Variants in SLC22A15 observed in about 807,000 individuals in gnomAD.
SLC22A15 encodes solute carrier family 22 member 15.
SLC22A15 carries 45 observed loss-of-function variants against 62.7 expected under a neutral mutation model. That is an observed-to-expected ratio of 0.72 (90% CI 0.56 to 0.92). SLC22A15 has a LOEUF of 0.92. SLC22A15 is among the 40% of genes least tolerant of loss of function. SLC22A15 has a pLI of 0.00. For synonymous variants in SLC22A15, 264 were observed against 267.0 expected, an observed-to-expected ratio of 0.99 and a Z score of 0.11; for missense variants, 622 against 665.6, an observed-to-expected ratio of 0.93 and a Z score of 0.72.
chr1:116,044,357 T>G (rs976460961), intron 8 of SLC22A15, among the ~76,000 whole-genome samples: 1 of 152,218 alleles, frequency 6.6e-6, no homozygotes, highest in East Asian at 1.9e-4. Flanking sequence ...CCTAGCACTT[T>G]GGGAGGCCGA....
At chr1:115,986,891 A>T (rs1272594784) in intron 1 of SLC22A15, among the ~76,000 whole-genome samples, 1 of 152,194 alleles carries the variant, frequency 6.6e-6, no homozygotes, top group Non-Finnish European at 1.5e-5. Flanking sequence ...AACGAAACAG[A>T]GAGGTTTGGA....
Position 116,069,931 on chromosome 1 carries a change from C to T in SLC22A15, c.*2823C>T, listed in dbSNP as rs1478423503. 2 of 152,164 alleles carry T rather than the reference C, an allele frequency of 1.3e-5. No individual in the cohort carries two copies. Among genetic ancestry groups the T allele is most frequent in the African/African-American group, 2.4e-5 (1 of 41,450 alleles). 9.4% of individuals were successfully genotyped at this position (152,164 alleles called of 1,614,324 possible). On this transcript the variant is annotated 3_prime_UTR_variant, in exon 12 of 12. Coordinates refer to ENST00000369503, the MANE Select transcript of SLC22A15 (RefSeq NM_018420.3). ...AACCAGCTTCACATTAGGACTTCTC[C>T]ATACAAATGCTTTATCATTGGTTCT...
Position 115,987,762 on chromosome 1 carries a change from T to C in SLC22A15, c.88-4269T>C, listed in dbSNP as rs532798145. 2.0e-5 allele frequency among the ~76,000 whole-genome samples: 3 copies of C among 152,280 alleles called. No homozygotes were observed. In the South Asian group the frequency reaches 6.2e-4, roughly 32 times the overall value. Reference sequence around the variant, plus strand: ...TGATTCCTCCCCTCCCTTTATTTTCTCCGAAAAAAGCTCTGGCCCCAAAGT... The same window carrying C: ...TGATTCCTCCCCTCCCTTTATTTTCCCCGAAAAAAGCTCTGGCCCCAAAGT... On this transcript the variant is annotated intron_variant, in intron 1 of 11. Coordinates refer to ENST00000369503, the MANE Select transcript of SLC22A15 (RefSeq NM_018420.3).
chr1:116,037,174 G>A, intron 7 of SLC22A15, 129 bp from the exon 8 acceptor site: 1 of 725,380 alleles, frequency 1.4e-6, no homozygotes, highest in Non-Finnish European at 2.3e-6. Context: ...AGTCACATTT[G>A]CCACTTAGCC....
intron 1 of SLC22A15, among the ~76,000 whole-genome samples, chr1:115,989,372 G>T (rs1655036912): frequency 6.6e-6 from 1 of 152,160 alleles, no homozygotes; most frequent in Non-Finnish European, 1.5e-5. Flanking sequence ...TCTCCAAACT[G>T]GCTTTATTGA....
intron 2 of SLC22A15, among the ~76,000 whole-genome samples, chr1:116,003,615 A>G (rs1031464148): frequency 3.9e-5 from 6 of 152,168 alleles, no homozygotes; most frequent in African/African-American, 1.4e-4. Context: ...CTGAGTTCCA[A>G]TGCAAAGTTC....
chr1:116,032,954 C>G (rs1167338433), intron 6 of SLC22A15, among the ~76,000 whole-genome samples: 1 of 152,142 alleles, frequency 6.6e-6, no homozygotes, highest in East Asian at 1.9e-4. Context: ...GGGTTCTGGC[C>G]TTCAATGGAT....
rs17852420 is a variant in SLC22A15, at chr1:116,020,854, A to G, written c.567A>G (p.Glu189=). ...MSLVAFVLLN[E]CVGTAYWALA... The stretch of plus-strand genomic sequence containing the variant: ...TGGTGGCCTTTGTCTTGCTTAATGA[A>G]TGTGTGGGCACCGCCTACTGGGCAC... Residue 189 remains glutamate, a synonymous_variant, in exon 4 of 12, where the codon GAA becomes GAG. Coordinates refer to ENST00000369503, the MANE Select transcript of SLC22A15 (RefSeq NM_018420.3). The G allele has an allele frequency of 1.2e-6, 2 of 1,612,974 alleles. No homozygotes were observed. Among genetic ancestry groups the G allele is most frequent in the South Asian group, 2.2e-5 (2 of 90,962 alleles).
chr1:116,014,817 A>T (rs558336358), intron 2 of SLC22A15, among the ~76,000 whole-genome samples: 1 of 152,358 alleles, frequency 6.6e-6, no homozygotes, highest in South Asian at 2.1e-4. Flanking sequence ...AGTTTAACTT[A>T]AAATGACCTG....
intron 3 of SLC22A15, 114 bp from the exon 4 acceptor site, chr1:116,020,607 C>A: frequency 3.3e-6 from 3 of 912,840 alleles, no homozygotes; most frequent in South Asian, 2.5e-5. Context: ...ACAAAAACAG[C>A]TCAGAAAATT....
At chr1:116,015,882 A>G (rs943892336) in intron 2 of SLC22A15, among the ~76,000 whole-genome samples, 4 of 152,240 alleles carry the variant, frequency 2.6e-5, no homozygotes, top group African/African-American at 9.6e-5. Flanking sequence ...TGTCTTTTCT[A>G]GGACAACCTG....
Position 116,037,322 on chromosome 1 carries a change from T to C in SLC22A15, c.1105T>C (p.Leu369=). 1 of 1,613,384 alleles carries C rather than the reference T, an allele frequency of 6.2e-7. No homozygotes were observed. ...NQKWFGRKRT[L]SAFLCLGGLA... is the part of the protein sequence containing the mutation. Reference sequence around the variant, plus strand: ...GTTTAGGTTTGGTCGGAAGCGAACATTATCAGCATTTCTGTGCCTAGGAGG... The same window carrying C: ...GTTTAGGTTTGGTCGGAAGCGAACACTATCAGCATTTCTGTGCCTAGGAGG... The change falls in exon 8 of 12, where the codon TTA becomes CTA. Residue 369 remains leucine, a synonymous_variant. Coordinates refer to ENST00000369503, the MANE Select transcript of SLC22A15 (RefSeq NM_018420.3).
At chr1:116,013,619 A>G (rs935569513) in intron 2 of SLC22A15, among the ~76,000 whole-genome samples, 3 of 152,214 alleles carry the variant, frequency 2.0e-5, no homozygotes, top group African/African-American at 7.2e-5. Context: ...TGGGGATTAC[A>G]TAAGCATGTG....
chr1:116,006,293 G>T (rs1655976871), intron 2 of SLC22A15, among the ~76,000 whole-genome samples: 1 of 152,086 alleles, frequency 6.6e-6, no homozygotes, highest in African/African-American at 2.4e-5. Context: ...AGGCACCCTG[G>T]TCCCCACTGT....
chr1:115,987,407 G>A (rs1323008959), intron 1 of SLC22A15, among the ~76,000 whole-genome samples: 1 of 152,016 alleles, frequency 6.6e-6, no homozygotes. Context: ...CTTGTGATCT[G>A]CCTGCCTCGG....
Position 116,067,259 on chromosome 1 carries a change from C to T in SLC22A15, c.*151C>T, listed in dbSNP as rs1658521332. On this transcript the variant is annotated 3_prime_UTR_variant, in exon 12 of 12. Transcript: ENST00000369503. ...CCTGGCATGGACTGATGTTTTTAGGCACAGAAGTTGGAGAAGAGATTTCAT... is the reference window on the plus strand; with the variant it reads ...CCTGGCATGGACTGATGTTTTTAGGTACAGAAGTTGGAGAAGAGATTTCAT... 1 of 605,854 alleles carries T rather than the reference C, an allele frequency of 1.7e-6. No homozygotes were observed. Among genetic ancestry groups the T allele is most frequent in the Non-Finnish European group, 2.9e-6 (1 of 342,888 alleles). The allele number at this position is 605,854 out of a possible 1,614,324, so 37.5% of individuals were successfully genotyped here. A position where few individuals can be genotyped will look rare whatever the true frequency, so the allele number is the denominator to read the frequency against.
chr1:115,992,914 C>A (rs575833047), intron 2 of SLC22A15, among the ~76,000 whole-genome samples: 1 of 152,178 alleles, frequency 6.6e-6, no homozygotes, highest in Admixed American at 6.5e-5. Flanking sequence ...CATGAGCCAC[C>A]GCGCCTGGCC....
intron 5 of SLC22A15, 113 bp downstream of exon 5, chr1:116,027,135 T>G: frequency 2.0e-6 from 2 of 1,020,274 alleles, no homozygotes; most frequent in South Asian, 1.5e-5. Flanking sequence ...TGCACTGACT[T>G]TGGTGAAGAA....
At chr1:116,044,077 A>C (rs533064273) in intron 8 of SLC22A15, among the ~76,000 whole-genome samples, 1 of 152,214 alleles carries the variant, frequency 6.6e-6, no homozygotes, top group Non-Finnish European at 1.5e-5. Context: ...AGGAGAGAAT[A>C]ACTCTCCCGG....
Sources: allele counts gnomAD v4.1 joint callset (sites outside exome capture counted in the v4.1 genomes callset), GRCh38; gene constraint gnomAD v4.1.1; transcripts MANE v1.5; gene names NCBI Gene and HGNC (gene_info 2026-07-23, HGNC 2026-07-21).